Variants in TRAF3IP1 observed in about 807,000 individuals in gnomAD.
The protein encoded by TRAF3IP1 is intraflagellar transport 54.
In TRAF3IP1, 53 loss-of-function variants were observed where a neutral mutation model predicts 89.9. The observed-to-expected ratio is 0.59, with a 90% CI of 0.47 to 0.74. The LOEUF (loss-of-function observed/expected upper bound fraction) is 0.74. Among genes scored for constraint, TRAF3IP1 ranks in the 30% least tolerant of loss-of-function variants. The pLI is 0.00. For synonymous variants in TRAF3IP1, 311 were observed against 322.1 expected (o/e 0.97, Z 0.37); for missense variants, 806 against 866.1 (o/e 0.93, Z 0.87).
chr2:238,367,315 G>A (rs1699926074), intron 15 of TRAF3IP1, among the ~76,000 whole-genome samples: 2 of 152,008 alleles, frequency 1.3e-5, no homozygotes, highest in Admixed American at 1.3e-4. Flanking sequence ...AAATCAAAGG[G>A]GATGTGGCAC....
intron 8 of TRAF3IP1, among the ~76,000 whole-genome samples, chr2:238,340,723 G>T (rs1698600412): frequency 6.6e-6 from 1 of 152,028 alleles, no homozygotes; most frequent in Admixed American, 6.5e-5. Context: ...ATATGGAAAA[G>T]TAGAAAGAAT....
intron 14 of TRAF3IP1, 104 bp downstream of exon 14, chr2:238,353,313 A>G (rs1574930330): frequency 1.5e-6 from 2 of 1,323,530 alleles, no homozygotes; most frequent in East Asian, 4.7e-5. Flanking sequence ...GTTGTGTGCC[A>G]GGTTCTGGTC....
At chr2:238,361,709 G>A (rs1264952339) in intron 15 of TRAF3IP1, among the ~76,000 whole-genome samples, 1 of 151,994 alleles carries the variant, frequency 6.6e-6, no homozygotes, top group Admixed American at 6.6e-5. Context: ...ACTCCTCCCC[G>A]ACTCTCCAGG....
intron 15 of TRAF3IP1, among the ~76,000 whole-genome samples, chr2:238,374,549 T>G (rs1012670610): frequency 1.3e-5 from 2 of 152,198 alleles, no homozygotes; most frequent in African/African-American, 4.8e-5. Context: ...TATTGAGGAT[T>G]TTCACATCAA....
At chr2:238,395,805 T>TA (rs1228416001) in intron 15 of TRAF3IP1, among the ~76,000 whole-genome samples, 4 of 152,160 alleles carry the variant, frequency 2.6e-5, no homozygotes, top group Admixed American at 6.6e-5. Flanking sequence ...CCATCAGAGA[T>TA]ATGCAAATCA....
rs75825919 is a variant in TRAF3IP1, at chr2:238,346,792, C to T, written c.1262-663C>T. 6.5e-3 allele frequency among the ~76,000 whole-genome samples: 989 copies of T among 152,282 alleles called. 13 individuals carry two copies. Among genetic ancestry groups the T allele is most frequent in the African/African-American group, 0.023 (955 of 41,558 alleles). On this transcript the variant is annotated intron_variant, in intron 9 of 16. Coordinates refer to ENST00000373327, the MANE Select transcript of TRAF3IP1 (RefSeq NM_015650.4). ...TGCGCTTTCTGCTCTTCTGCAAATG[C>T]GTTCGTGCATCTTAAGAGTGTGAAA... is the stretch of plus-strand genomic sequence containing the variant.
chr2:238,378,845 T>C (rs1298535663), intron 15 of TRAF3IP1, among the ~76,000 whole-genome samples: 2 of 152,174 alleles, frequency 1.3e-5, no homozygotes, highest in Non-Finnish European at 2.9e-5. Context: ...TACCATCACT[T>C]GCAAACCCAA....
chr2:238,379,706 C>CAGT lies in TRAF3IP1; in HGVS notation c.1690-17751_1690-17749dup, dbSNP rs1700466772. Among the ~76,000 whole-genome samples the CAGT allele has an allele frequency of 6.6e-6, 1 of 152,132 alleles. No individual in the cohort carries two copies. Among genetic ancestry groups the CAGT allele is most frequent in the African/African-American group, 2.4e-5 (1 of 41,414 alleles). On this transcript the variant is annotated intron_variant, in intron 15 of 16. Coordinates refer to ENST00000373327, the MANE Select transcript of TRAF3IP1 (RefSeq NM_015650.4). The surrounding 1 kb of genome is among the most constrained non-coding windows in gnomAD (Gnocchi z 4.0). ...TCAGTTCAGTGGGTCTCTTGTTGCC[C>CAGT]AGTAACTACCTTTTATAGCTGGTAT...
intron 8 of TRAF3IP1, among the ~76,000 whole-genome samples, chr2:238,341,117 C>G (rs1175535589): frequency 6.6e-6 from 1 of 151,896 alleles, no homozygotes; most frequent in Non-Finnish European, 1.5e-5. Flanking sequence ...AACTCCTTGG[C>G]TCAAGTGATC....
chr2:238,364,256 T>A (rs779373857), intron 15 of TRAF3IP1, among the ~76,000 whole-genome samples: 6 of 152,240 alleles, frequency 3.9e-5, no homozygotes, highest in Non-Finnish European at 5.9e-5. Context: ...AGCCATTTCT[T>A]ATTGTACTAA....
intron 15 of TRAF3IP1, among the ~76,000 whole-genome samples, chr2:238,368,692 C>T (rs978344514): frequency 6.6e-5 from 10 of 151,854 alleles, no homozygotes; most frequent in Non-Finnish European, 1.2e-4. Flanking sequence ...TTTTTTGAGA[C>T]GGAGTTTCAC....
At chr2:238,353,123 A>G (rs368243754) in intron 13 of TRAF3IP1, 50 bp from the exon 14 acceptor site, 2 of 1,611,438 alleles carry the variant, frequency 1.2e-6, no homozygotes, top group Admixed American at 1.7e-5. Context: ...CATGATCTTT[A>G]AAATTCAACA....
At chr2:238,374,639 C>T (rs1700241720) in intron 15 of TRAF3IP1, among the ~76,000 whole-genome samples, 1 of 152,060 alleles carries the variant, frequency 6.6e-6, no homozygotes, top group South Asian at 2.1e-4. Context: ...TGATGTTGGC[C>T]TCATAAAATG....
chr2:238,325,986 T>C lies in TRAF3IP1; in HGVS notation c.354+16T>C, dbSNP rs1244153567. On this transcript the variant is annotated intron_variant, in intron 3 of 16. Coordinates refer to ENST00000373327, the MANE Select transcript of TRAF3IP1 (RefSeq NM_015650.4). Reference sequence around the variant, plus strand: ...TCTCAACAAGGTACTACTGCTGTCCTGGCATTTTGAACTTACTTAGTACTT... The same window carrying C: ...TCTCAACAAGGTACTACTGCTGTCCCGGCATTTTGAACTTACTTAGTACTT... The C allele has an allele frequency of 6.2e-7, 1 of 1,602,330 alleles. No individual in the cohort carries two copies. The highest frequency in any genetic ancestry group is 1.7e-5 in the Admixed American group (1 of 57,756).
rs1213177394 is a variant in TRAF3IP1 at position 238,351,772 on chromosome 2, G to A, written c.1452-1055G>A. Among the ~76,000 whole-genome samples the A allele has an allele frequency of 6.6e-6, 1 of 152,070 alleles. No homozygotes were observed. The highest frequency in any genetic ancestry group is 1.5e-5 in the Non-Finnish European group (1 of 68,008). ...GCAATGGGTGTTATTTTCAGAGGTCGTTCCCAAGTGTCTACATTCCCTCTG... is the reference window on the plus strand; with the variant it reads ...GCAATGGGTGTTATTTTCAGAGGTCATTCCCAAGTGTCTACATTCCCTCTG... On this transcript the variant is annotated intron_variant, in intron 12 of 16. Transcript: ENST00000373327. This position sits in a 1 kb window ranked among gnomAD's most constrained non-coding sequence, Gnocchi z 5.2.
At chr2:238,396,716 G>A (rs1181684154) in intron 15 of TRAF3IP1, among the ~76,000 whole-genome samples, 3 of 152,054 alleles carry the variant, frequency 2.0e-5, no homozygotes, top group East Asian at 1.9e-4. Context: ...GGCCCAAACC[G>A]CATGCAGCTC....
intron 15 of TRAF3IP1, among the ~76,000 whole-genome samples, chr2:238,393,179 A>T (rs368937559): frequency 6.6e-6 from 1 of 152,334 alleles, no homozygotes; most frequent in East Asian, 1.9e-4. Context: ...TGAGTGATCC[A>T]GTTTTCCCTA....
At chr2:238,335,770 A>AT (rs200286276) in intron 7 of TRAF3IP1, among the ~76,000 whole-genome samples, 1,108 of 8,976 alleles carry the variant, frequency 0.12, 5 homozygotes, top group South Asian at 0.23. Context: ...ATTTTATTTT[A>AT]TTTATTTATT....
At chr2:238,347,504 T>A (rs747380903) in intron 10 of TRAF3IP1, 29 bp downstream of exon 10, 2 of 1,612,830 alleles carry the variant, frequency 1.2e-6, no homozygotes, top group African/African-American at 2.7e-5. Flanking sequence ...TACCTGTGTG[T>A]CATATCAATT....
Sources: allele counts gnomAD v4.1 joint callset (sites outside exome capture counted in the v4.1 genomes callset), GRCh38; gene constraint gnomAD v4.1.1; non-coding constraint Gnocchi (gnomAD v3.1); transcripts MANE v1.5; gene names NCBI Gene and HGNC (gene_info 2026-07-23, HGNC 2026-07-21).